The following CRB1 variants were observed in gnomAD, a reference collection of about 807,000 sequenced individuals.
CRB1 encodes the protein crumbs cell polarity complex component 1.
CRB1 carries 83 observed loss-of-function variants against 120.0 expected under a neutral mutation model. The observed-to-expected ratio is 0.69, with a 90% CI of 0.58 to 0.83. The LOEUF is 0.83. Ranked by LOEUF, CRB1 falls within the 40% of genes least tolerant of loss-of-function variation. CRB1 has a pLI of 0.00. For synonymous variants in CRB1, 625 were observed against 612.5 expected, an observed-to-expected ratio of 1.02 and a Z score of -0.30; for missense variants, 1,699 against 1,687.6, an observed-to-expected ratio of 1.01 and a Z score of -0.12.
chr1:197,330,726 A>G (rs1658800149), intron 2 of CRB1, among the ~76,000 whole-genome samples: 1 of 152,182 alleles, frequency 6.6e-6, no homozygotes, highest in Admixed American at 6.5e-5. Context: ...TGTTTGTACT[A>G]GTTGACACCT....
intron 5 of CRB1, among the ~76,000 whole-genome samples, chr1:197,381,489 G>T (rs1033621259): frequency 1.3e-5 from 2 of 152,152 alleles, no homozygotes; most frequent in Admixed American, 6.5e-5. Flanking sequence ...ATCTTACAAA[G>T]ATTTCCTCCG....
chr1:197,263,805 T>C (rs1424235831), upstream of CRB1, among the ~76,000 whole-genome samples: 1 of 152,088 alleles, frequency 6.6e-6, no homozygotes, highest in Non-Finnish European at 1.5e-5. Flanking sequence ...AGATCTATCT[T>C]CTGTTTAGTA....
chr1:197,360,341 G>A (rs1277141054), intron 5 of CRB1: 1 of 152,134 alleles, frequency 6.6e-6, no homozygotes, highest in Non-Finnish European at 1.5e-5. Context: ...CTGCGGGGAG[G>A]GCAAAAGGTT....
intron 1 of CRB1, among the ~76,000 whole-genome samples, chr1:197,282,303 C>G (rs928876080): frequency 2.6e-5 from 4 of 151,696 alleles, no homozygotes; most frequent in Non-Finnish European, 4.4e-5. Context: ...CTCTGGACTA[C>G]TTATTAGAAT....
At chr1:197,263,218 C>A (rs543549973), upstream of CRB1, among the ~76,000 whole-genome samples, 8 of 152,172 alleles carry the variant, frequency 5.3e-5, no homozygotes, top group African/African-American at 1.7e-4. Flanking sequence ...AAAAAATATT[C>A]TTTCTGACTG....
intron 11 of CRB1, among the ~76,000 whole-genome samples, chr1:197,473,374 G>A (rs1256427498): frequency 1.3e-5 from 2 of 152,092 alleles, no homozygotes; most frequent in African/African-American, 4.8e-5. Flanking sequence ...TTCAAAATAG[G>A]TTTTGACAGT....
intron 1 of CRB1, among the ~76,000 whole-genome samples, chr1:197,320,244 T>C (rs1658112177): frequency 1.3e-5 from 2 of 152,220 alleles, no homozygotes; most frequent in African/African-American, 4.8e-5. Context: ...CAAGGGCTCT[T>C]GCTTTACTAA....
intron 11 of CRB1, among the ~76,000 whole-genome samples, chr1:197,467,973 CTT>C (rs1666823174): frequency 6.6e-6 from 1 of 152,150 alleles, no homozygotes; most frequent in African/African-American, 2.4e-5. Context: ...TTGGTAAACA[CTT>C]TCCTGGCACA....
At chr1:197,348,025 T>C (rs531740842) in intron 4 of CRB1, among the ~76,000 whole-genome samples, 5 of 152,318 alleles carry the variant, frequency 3.3e-5, no homozygotes, top group Admixed American at 2.0e-4. Context: ...TTACAGGCCA[T>C]AGGCAAATAT....
At chr1:197,226,031 G>A in the CRB1 span, among the ~76,000 whole-genome samples, 1 of 152,036 alleles carries the variant, frequency 6.6e-6, no homozygotes, top group African/African-American at 2.4e-5. Flanking sequence ...CTCCTGAGGA[G>A]CTGGGACCAC....
rs775480603 is a variant in CRB1 at position 197,429,435 on chromosome 1, TC to T, written c.2677-13del. 1 of 1,614,016 alleles carries T rather than the reference TC, an allele frequency of 6.2e-7. No individual in the cohort carries two copies. The highest frequency in any genetic ancestry group is 2.2e-5 in the East Asian group (1 of 44,886). On this transcript the variant is annotated splice_polypyrimidine_tract_variant and intron_variant, in intron 7 of 11. Transcript: ENST00000367400. ...GCCAGTGCTTTTTATACCTTTGATT[TC>T]TTTTCTGCTCAGTCCAACCCCTGTC...
At chr1:197,248,332 C>T in the CRB1 span, among the ~76,000 whole-genome samples, 4 of 151,800 alleles carry the variant, frequency 2.6e-5, no homozygotes, top group Admixed American at 6.6e-5. Context: ...CTCTGGAGTC[C>T]GACGGGTCTG....
the CRB1 span, among the ~76,000 whole-genome samples, chr1:197,209,665 C>T: frequency 6.6e-6 from 1 of 152,128 alleles, no homozygotes; most frequent in Non-Finnish European, 1.5e-5. Context: ...CGGTCTTTTC[C>T]CAGTTCCCCT....
intron 11 of CRB1, among the ~76,000 whole-genome samples, chr1:197,467,399 C>A (rs1666796306): frequency 6.6e-6 from 1 of 151,996 alleles, no homozygotes; most frequent in African/African-American, 2.4e-5. Flanking sequence ...ATTTTAGTAT[C>A]TCTTAAGAAA....
At chr1:197,462,863 C>T (rs1666590169) in intron 11 of CRB1, among the ~76,000 whole-genome samples, 1 of 149,554 alleles carries the variant, frequency 6.7e-6, no homozygotes, top group African/African-American at 2.5e-5. Flanking sequence ...ATGCTGAGCT[C>T]AGGCAGCCTA....
chr1:197,308,775 A>G (rs937666952), intron 1 of CRB1, among the ~76,000 whole-genome samples: 7 of 151,582 alleles, frequency 4.6e-5, no homozygotes, highest in South Asian at 2.1e-4. Flanking sequence ...ATCATTCCCT[A>G]TATATGTTTA....
intron 6 of CRB1, among the ~76,000 whole-genome samples, chr1:197,425,600 A>G (rs770280573): frequency 7.2e-5 from 11 of 152,152 alleles, no homozygotes; most frequent in Non-Finnish European, 1.5e-4. Flanking sequence ...TGCAAAATCA[A>G]TGGTCAATTC....
intron 11 of CRB1, among the ~76,000 whole-genome samples, chr1:197,453,180 A>T (rs1666050921): frequency 6.6e-6 from 1 of 151,398 alleles, no homozygotes; most frequent in South Asian, 2.1e-4. Flanking sequence ...TCAAACTCCT[A>T]GAAGCAGAGG....
chr1:197,347,537 G>A (rs1405821649), intron 4 of CRB1, 58 bp downstream of exon 4: 14 of 1,514,450 alleles, frequency 9.2e-6, no homozygotes, highest in Admixed American at 6.8e-5. Flanking sequence ...TACACATATC[G>A]CTTATAGCAA....
Sources: gnomAD v4.1 joint callset for allele counts (sites outside exome capture counted in the v4.1 genomes callset) on GRCh38, gnomAD v4.1.1 for gene constraint, MANE v1.5 for transcripts, NCBI Gene and HGNC (gene_info 2026-07-23, HGNC 2026-07-21) for gene names.